Variants in KLF12 observed in about 807,000 individuals in gnomAD.
KLF12 encodes KLF transcription factor 12.
KLF12 carries 9 observed loss-of-function variants against 37.8 expected under a neutral mutation model. The observed-to-expected ratio is 0.24, with a 90% CI of 0.14 to 0.42. The LOEUF is 0.42. Among genes scored for constraint, KLF12 ranks in the 10% least tolerant of loss-of-function variants. The pLI is 1.00. For synonymous variants in KLF12, 208 were observed against 202.1 expected (o/e 1.03, Z -0.25); for missense variants, 411 against 516.0 (o/e 0.80, Z 1.97).
the KLF12 span, among the ~76,000 whole-genome samples, chr13:74,182,840 C>CT: frequency 0.028 from 4,200 of 148,134 alleles, 88 homozygotes; most frequent in Middle Eastern, 0.079. Flanking sequence ...ATACTTTAGC[C>CT]TTTTTTTTTT....
chr13:74,262,372 G>A, the KLF12 span, among the ~76,000 whole-genome samples: 4 of 152,282 alleles, frequency 2.6e-5, no homozygotes, highest in Non-Finnish European at 5.9e-5. Context: ...AAGCACAAGA[G>A]CGATTGTAAA....
At chr13:73,975,562 T>C (rs1891490005) in intron 2 of KLF12, among the ~76,000 whole-genome samples, 1 of 152,238 alleles carries the variant, frequency 6.6e-6, no homozygotes, top group Non-Finnish European at 1.5e-5. Flanking sequence ...CAGTGCTTTT[T>C]ATATGCACTC....
At chr13:74,209,920 A>T in the KLF12 span, among the ~76,000 whole-genome samples, 6 of 152,214 alleles carry the variant, frequency 3.9e-5, no homozygotes, top group African/African-American at 7.2e-5. Context: ...TTGACACCTA[A>T]TTTATTCCAA....
chr13:74,101,349 C>G (rs1298984676), intron 1 of KLF12, among the ~76,000 whole-genome samples: 1 of 152,088 alleles, frequency 6.6e-6, no homozygotes, highest in African/African-American at 2.4e-5. Flanking sequence ...ACTTGTATGC[C>G]TTTTCTCCTG....
At chr13:73,791,683 T>C (rs1458552817) in intron 5 of KLF12, among the ~76,000 whole-genome samples, 1 of 152,254 alleles carries the variant, frequency 6.6e-6, no homozygotes, top group Non-Finnish European at 1.5e-5. Flanking sequence ...GCTTGGTTGT[T>C]ACTTTTTCAA....
chr13:74,241,794 T>C, the KLF12 span, among the ~76,000 whole-genome samples: 1 of 152,224 alleles, frequency 6.6e-6, no homozygotes, highest in South Asian at 2.1e-4. Context: ...TGCCTCGCCC[T>C]GCTTCGGCTC....
At chr13:74,246,289 C>A in the KLF12 span, among the ~76,000 whole-genome samples, 1 of 152,200 alleles carries the variant, frequency 6.6e-6, no homozygotes, top group African/African-American at 2.4e-5. Flanking sequence ...CTAGGAATAG[C>A]ACATTCTTGT....
At chr13:74,045,622 G>A (rs1369216838) in intron 1 of KLF12, among the ~76,000 whole-genome samples, 7 of 70,824 alleles carry the variant, frequency 9.9e-5, no homozygotes, top group East Asian at 1.0e-3. Flanking sequence ...CAGCATTGAC[G>A]AAAATGAAAA....
At chr13:73,858,801 T>G (rs1462486378) in intron 3 of KLF12, among the ~76,000 whole-genome samples, 2 of 152,174 alleles carry the variant, frequency 1.3e-5, no homozygotes, top group Non-Finnish European at 2.9e-5. Flanking sequence ...CAACCCTATA[T>G]TCTATAAAAA....
At chr13:74,241,804 C>G in the KLF12 span, among the ~76,000 whole-genome samples, 7 of 152,318 alleles carry the variant, frequency 4.6e-5, no homozygotes, top group East Asian at 5.8e-4. Context: ...TGCTTCGGCT[C>G]GCGCACGGTG....
chr13:74,303,934 A>T, the KLF12 span, among the ~76,000 whole-genome samples: 25 of 152,188 alleles, frequency 1.6e-4, no homozygotes, highest in African/African-American at 6.0e-4. Context: ...GTTTTAAAAA[A>T]TCCTGTCTTG....
chr13:74,126,401 A>T (rs966577669), intron 1 of KLF12, among the ~76,000 whole-genome samples: 11 of 152,210 alleles, frequency 7.2e-5, no homozygotes, highest in African/African-American at 2.7e-4. Context: ...ATCTGCCATT[A>T]TATACAATCT....
the KLF12 span, among the ~76,000 whole-genome samples, chr13:74,141,755 G>C: frequency 2.0e-5 from 3 of 152,154 alleles, no homozygotes; most frequent in African/African-American, 7.2e-5. Context: ...CTGTATCTCT[G>C]CTTATATTTC....
chr13:74,174,295 A>G, the KLF12 span, among the ~76,000 whole-genome samples: 1 of 149,256 alleles, frequency 6.7e-6, no homozygotes, highest in Non-Finnish European at 1.5e-5. Context: ...CCTCTTTAAG[A>G]TGGTACAGTC....
Position 74,061,535 on chromosome 13 carries a change from T to C in KLF12, c.-31-66482A>G, listed in dbSNP as rs192050560. On this transcript the variant is annotated intron_variant, in intron 1 of 7. Coordinates refer to ENST00000377669, the MANE Select transcript of KLF12 (RefSeq NM_007249.5). The stretch of plus-strand genomic sequence containing the variant: ...CTAATTTCCATGATACTTCCTAGAC[T>C]GTGAGACCACAGATAAAAAAAACAC... Among the ~76,000 whole-genome samples, 16 of 152,272 alleles carry C rather than the reference T, an allele frequency of 1.1e-4. No homozygotes were observed. The East Asian group carries it at 2.1e-3, about 20-fold the overall frequency.
At chr13:73,859,759 G>C (rs1341528532) in intron 3 of KLF12, among the ~76,000 whole-genome samples, 4 of 151,992 alleles carry the variant, frequency 2.6e-5, no homozygotes, top group African/African-American at 9.7e-5. Context: ...CAGTGGTCAT[G>C]CTGTATGGGA....
intron 1 of KLF12, among the ~76,000 whole-genome samples, chr13:74,004,224 G>A (rs1050920434): frequency 3.3e-5 from 5 of 152,132 alleles, no homozygotes; most frequent in Non-Finnish European, 7.4e-5. Flanking sequence ...TGTTCAGGGT[G>A]GAATGGTATC....
At chr13:74,305,663 G>A in the KLF12 span, among the ~76,000 whole-genome samples, 8 of 151,976 alleles carry the variant, frequency 5.3e-5, no homozygotes, top group East Asian at 3.9e-4. Context: ...AATATTTTTC[G>A]TCTCCCCGAA....
chr13:74,081,214 T>A (rs1204097048), intron 1 of KLF12, among the ~76,000 whole-genome samples: 2 of 152,172 alleles, frequency 1.3e-5, no homozygotes, highest in Non-Finnish European at 1.5e-5. Flanking sequence ...CTGACTTTGA[T>A]TACATTACAG....
Sources: gnomAD v4.1 joint callset for allele counts (sites outside exome capture counted in the v4.1 genomes callset) on GRCh38, gnomAD v4.1.1 for gene constraint, MANE v1.5 for transcripts, NCBI Gene and HGNC (gene_info 2026-07-23, HGNC 2026-07-21) for gene names.